The following CBARP variants were observed in gnomAD, a reference collection of about 807,000 sequenced individuals.
CBARP encodes CACN subunit beta associated regulatory protein, also known as voltage-dependent calcium channel beta subunit-associated regulatory protein.
Under a neutral mutation model 36.3 loss-of-function variants are expected in CBARP, and 24 were observed. The observed-to-expected ratio is 0.66, with a 90% CI of 0.48 to 0.93. CBARP has a LOEUF of 0.93. Ranked by LOEUF, CBARP falls within the 40% of genes least tolerant of loss-of-function variation. The probability of loss-of-function intolerance (pLI) is 0.00; values close to 1 mark genes in which losing one functional copy is unlikely to be tolerated. For missense variants in CBARP, 1,146 were observed against 980.4 expected, an observed-to-expected ratio of 1.17 and a Z score of -2.26; for synonymous variants, 586 against 453.2, an observed-to-expected ratio of 1.29 and a Z score of -3.72.
chr19:1,230,993 CG>C, intron 9 of CBARP, 107 bp downstream of exon 9: 1 of 1,547,550 alleles, frequency 6.5e-7, no homozygotes, highest in Non-Finnish European at 8.7e-7. Context: ...GGCAGGCGAG[CG>C]CGTGTCCACG....
Position 1,229,103 on chromosome 19 carries a change from C to T in CBARP, c.*76G>A, listed in dbSNP as rs1279474271. ...CGCATTCGCGTCGGGGCGTCGCGCC[C>T]CCACGTCTCTCCCGCCGCCGAGGCC... On this transcript the variant is annotated 3_prime_UTR_variant, in exon 10 of 10. Transcript: ENST00000650044. The surrounding 1 kb of genome is among the most constrained non-coding windows in gnomAD (Gnocchi z 5.1). The T allele has an allele frequency of 1.1e-5, 6 of 538,470 alleles. No individual in the cohort carries two copies. The highest frequency in any genetic ancestry group is 1.4e-5 in the Non-Finnish European group (6 of 416,332). The allele number at this position is 538,470 out of a possible 1,614,324, so 33.4% of individuals were successfully genotyped here. A position where few individuals can be genotyped will look rare whatever the true frequency, so the allele number is the denominator to read the frequency against.
Position 1,237,940 on chromosome 19 carries a change from C to G in CBARP, c.-206G>C, listed in dbSNP as rs1309919533. 1.4e-5 allele frequency: 2 copies of G among 146,724 alleles called. No homozygotes were observed. Among genetic ancestry groups the G allele is most frequent in the African/African-American group, 4.9e-5 (2 of 40,870 alleles). The allele number at this position is 146,724 out of a possible 1,614,324, so 9.1% of individuals were successfully genotyped here. A position where few individuals can be genotyped will look rare whatever the true frequency, so the allele number is the denominator to read the frequency against. ...CACGTGACCGCGTTGGCGGCGCGCCCGCTCCGCGCGCCCGGTGCTGCCCGG... is the reference window on the plus strand; with the variant it reads ...CACGTGACCGCGTTGGCGGCGCGCCGGCTCCGCGCGCCCGGTGCTGCCCGG... On this transcript the variant is annotated 5_prime_UTR_variant, in exon 1 of 10. Transcript: ENST00000650044.
Position 1,229,925 on chromosome 19 carries a change from T to C in CBARP, c.1372A>G (p.Asn458Asp). 2 of 1,153,070 alleles carry C rather than the reference T, an allele frequency of 1.7e-6. No individual in the cohort carries two copies. The highest frequency in any genetic ancestry group is 1.1e-6 in the Non-Finnish European group (1 of 915,076). 71.4% of individuals were successfully genotyped at this position (1,153,070 alleles called of 1,614,324 possible). Reference protein sequence around the residue: ...AAASDHSSSGNDRDSVRSGDS... With the variant: ...AAASDHSSSGDDRDSVRSGDS... ...CCGCTGCGCACCGAGTCGCGGTCGT[T>C]GCCGCTGCTGCTGTGGTCCGAGGCG... is the stretch of plus-strand genomic sequence containing the variant. The change falls in exon 10 of 10, where the codon AAC becomes GAC. Residue 458 changes from asparagine (N) to aspartate (D), a missense_variant. Transcript: ENST00000650044. The surrounding 1 kb of genome is among the most constrained non-coding windows in gnomAD (Gnocchi z 5.1).
At chr19:1,230,694 T>G in intron 9 of CBARP, 1 of 1,276,178 alleles carries the variant, frequency 7.8e-7, no homozygotes, top group Non-Finnish European at 9.9e-7. Context: ...GCCCTTGGGT[T>G]GGGGGAGGGG....
At chr19:1,237,074 G>A (rs992766743) in intron 1 of CBARP, among the ~76,000 whole-genome samples, 1 of 152,162 alleles carries the variant, frequency 6.6e-6, no homozygotes, top group East Asian at 1.9e-4. Context: ...CTGGCGCCGG[G>A]GTGCTCGGCG....
rs1291077880 is a variant in CBARP at position 1,229,646 on chromosome 19, G to A, written c.1651C>T (p.His551Tyr). 1 of 1,193,592 alleles carries A rather than the reference G, an allele frequency of 8.4e-7. No homozygotes were observed. The highest frequency in any genetic ancestry group is 1.1e-6 in the Non-Finnish European group (1 of 943,994). 73.9% of individuals were successfully genotyped at this position (1,193,592 alleles called of 1,614,324 possible). ...TGCGGGTCGTGGCGCAGGAACTCGT[G>A]GAACAGCGCGTCCGTCTTCTCGTCG... is the stretch of plus-strand genomic sequence containing the variant. ...SIDEKTDALF[H>Y]EFLRHDPHFD... is the part of the protein sequence containing the mutation. Residue 551 changes from histidine (H) to tyrosine (Y), a missense_variant, in exon 10 of 10, where the codon CAC becomes TAC. By Grantham distance (83) the His-to-Tyr change is moderately conservative. Transcript: ENST00000650044. The surrounding 1 kb of genome is among the most constrained non-coding windows in gnomAD (Gnocchi z 5.1).
intron 6 of CBARP, 92 bp from the exon 7 acceptor site, chr19:1,234,423 C>T: frequency 7.0e-7 from 1 of 1,432,274 alleles, no homozygotes; most frequent in Non-Finnish European, 9.1e-7. Flanking sequence ...GCATGCTGGG[C>T]TTGGCCCCCT....
rs1036676144 is a variant in CBARP at position 1,235,799 on chromosome 19, G to A, written c.225C>T (p.Asp75=). 27 of 1,608,642 alleles carry A rather than the reference G, an allele frequency of 1.7e-5. No individual in the cohort carries two copies. Among genetic ancestry groups the A allele is most frequent in the South Asian group, 5.5e-5 (5 of 91,076 alleles). ...GVLLLCKRCW[D]VHQRLNRAME... is the part of the protein sequence containing the mutation. ...CGCACCTGTTGAGGCGCTGGTGGAC[G>A]TCCCAGCAGCGCTTGCAGAGGAGCA... Residue 75 remains aspartate (D), a synonymous_variant, in exon 3 of 10, where the codon GAC becomes GAT. Transcript: ENST00000650044.
chr19:1,234,428 C>T, intron 6 of CBARP, 97 bp from the exon 7 acceptor site: 8 of 1,430,250 alleles, frequency 5.6e-6, no homozygotes, highest in East Asian at 2.5e-5. Flanking sequence ...CTGGGCTTGG[C>T]CCCCTGCCCT....
intron 1 of CBARP, among the ~76,000 whole-genome samples, 154 bp from the exon 2 acceptor site, chr19:1,236,275 C>G (rs2080972006): frequency 6.6e-6 from 1 of 152,182 alleles, no homozygotes; most frequent in African/African-American, 2.4e-5. Flanking sequence ...CTCCACCCGG[C>G]TTGGCTCTGC....
At chr19:1,235,727 A>G in intron 3 of CBARP, 52 bp downstream of exon 3, 1 of 1,604,766 alleles carries the variant, frequency 6.2e-7, no homozygotes, top group Non-Finnish European at 8.5e-7. Context: ...CCACCACCCG[A>G]TGGCACCCAC....
At position 1,229,777 on chromosome 19, in the gene CBARP, C is replaced by A. The variant is rs866069613; in HGVS notation, c.1520G>T (p.Ser507Ile). The change falls in exon 10 of 10, where the codon AGC becomes ATC. Residue 507 changes from serine (S) to isoleucine (I), a missense_variant. By Grantham distance (142) the Ser-to-Ile change is moderately radical. Coordinates refer to ENST00000650044, the MANE Select transcript of CBARP (RefSeq NM_001393918.1). The surrounding 1 kb of genome is among the most constrained non-coding windows in gnomAD (Gnocchi z 5.1). ...GTCGCCTGCGCCGCGGCCCTCGATGCTGGCGTAGCCACTGTCCATCTGCAG... is the reference window on the plus strand; with the variant it reads ...GTCGCCTGCGCCGCGGCCCTCGATGATGGCGTAGCCACTGTCCATCTGCAG... ...RLLQMDSGYASIEGRGAGDDT... is the reference protein window; with the variant it reads ...RLLQMDSGYAIIEGRGAGDDT... 1 of 1,016,674 alleles carries A rather than the reference C, an allele frequency of 9.8e-7. No homozygotes were observed. 63.0% of individuals were successfully genotyped at this position (1,016,674 alleles called of 1,614,324 possible). A position where few individuals can be genotyped will look rare whatever the true frequency, so the allele number is the denominator to read the frequency against.
intron 1 of CBARP, among the ~76,000 whole-genome samples, chr19:1,236,767 T>C (rs1444520887): frequency 6.0e-5 from 9 of 150,392 alleles, no homozygotes; most frequent in Non-Finnish European, 1.0e-4. Flanking sequence ...GAGAAGCTGG[T>C]TCCCATGGCG....
Position 1,235,588 on chromosome 19 carries a change from C to T in CBARP, c.246-23G>A, listed in dbSNP as rs774445857. On this transcript the variant is annotated intron_variant, in intron 3 of 9. Transcript: ENST00000650044. ...GCCCTGGGAGAGACGTTGGGAGAGC[C>T]CAGTGGCACGGAGGGCCCAGATAGC... 7 of 1,603,788 alleles carry T rather than the reference C, an allele frequency of 4.4e-6. No homozygotes were observed. In the South Asian group the frequency reaches 7.8e-5, roughly 18 times the overall value.
chr19:1,237,149 C>T (rs2145462899), intron 1 of CBARP, among the ~76,000 whole-genome samples: 1 of 152,346 alleles, frequency 6.6e-6, no homozygotes, highest in African/African-American at 2.4e-5. Flanking sequence ...AGGCGGCAGC[C>T]GCTCCTGCCC....
Position 1,236,025 on chromosome 19 carries a change from A to G in CBARP, c.76T>C (p.Ser26Pro). The G allele has an allele frequency of 6.5e-7, 1 of 1,543,196 alleles. No homozygotes were observed. Among genetic ancestry groups the G allele is most frequent in the Non-Finnish European group, 8.7e-7 (1 of 1,144,178 alleles). ...GGGCGTCCAGTGGCATTGTCCCACG[A>G]CGTCGTCAGGGCTACTGTGGCAGTG... ...TTTATVALTT[S>P]WDNATGRPTA... The change falls in exon 2 of 10, where the codon TCG becomes CCG. Residue 26 changes from serine to proline, a missense_variant. Transcript: ENST00000650044.
At position 1,230,239 on chromosome 19, in the gene CBARP, G is replaced by A. The variant is rs568321001; in HGVS notation, c.1155-97C>T. On this transcript the variant is annotated intron_variant, in intron 9 of 9. Coordinates refer to ENST00000650044, the MANE Select transcript of CBARP (RefSeq NM_001393918.1). ...TGGATCAGGGAGGGTGGACGCGGGT[G>A]GGACTTGGGACTCGGGCGGGCCTTG... is the stretch of plus-strand genomic sequence containing the variant. 27 of 993,600 alleles carry A rather than the reference G, an allele frequency of 2.7e-5. No homozygotes were observed. In the South Asian group the frequency reaches 7.0e-4, roughly 26 times the overall value. 61.5% of individuals were successfully genotyped at this position (993,600 alleles called of 1,614,324 possible).
chr19:1,232,339 G>A (rs146070161), intron 8 of CBARP, among the ~76,000 whole-genome samples: 171 of 152,216 alleles, frequency 1.1e-3, no homozygotes, highest in African/African-American at 3.9e-3. Flanking sequence ...CCCCACCCCC[G>A]CTGGCTGGAG....
chr19:1,230,535 GC>G (rs2080876331), intron 9 of CBARP: 5 of 1,048,004 alleles, frequency 4.8e-6, no homozygotes, highest in African/African-American at 1.7e-5. Flanking sequence ...AGGGCTCTCT[GC>G]CCACCCATGC....
Sources: allele counts gnomAD v4.1 joint callset (sites outside exome capture counted in the v4.1 genomes callset), GRCh38; gene constraint gnomAD v4.1.1; non-coding constraint Gnocchi (gnomAD v3.1); transcripts MANE v1.5; gene names NCBI Gene and HGNC (gene_info 2026-07-23, HGNC 2026-07-21).